The following WWP1 variants were observed in gnomAD, a reference collection of about 807,000 sequenced individuals.
WWP1 encodes WW domain containing E3 ubiquitin protein ligase 1.
A neutral mutation model predicts 130.6 loss-of-function variants in WWP1; 49 were observed. The observed-to-expected ratio is 0.38, with a 90% CI of 0.30 to 0.48. The LOEUF is 0.48. Ranked by LOEUF, WWP1 falls within the 20% of genes least tolerant of loss-of-function variation. WWP1 has a pLI of 0.99. For missense variants in WWP1, 809 were observed against 1,100.6 expected (o/e 0.74, Z 3.75); for synonymous variants, 332 against 367.8 (o/e 0.90, Z 1.11).
At chr8:86,422,668 C>A (rs572073582) in intron 9 of WWP1, among the ~76,000 whole-genome samples, 1 of 151,966 alleles carries the variant, frequency 6.6e-6, no homozygotes, top group Non-Finnish European at 1.5e-5. Context: ...CCACCACGCC[C>A]GGCCCACCAG....
intron 11 of WWP1, among the ~76,000 whole-genome samples, chr8:86,430,019 C>T (rs1809848013): frequency 6.6e-6 from 1 of 152,004 alleles, no homozygotes; most frequent in African/African-American, 2.4e-5. Flanking sequence ...AGAAACATGG[C>T]AAAACCTTGT....
chr8:86,380,988 T>TA (rs1824951293), intron 4 of WWP1, 124 bp downstream of exon 4: 1 of 1,229,012 alleles, frequency 8.1e-7, no homozygotes, highest in Non-Finnish European at 1.1e-6. Flanking sequence ...GATCGACAAT[T>TA]TAAAGTATGG....
chr8:86,351,535 C>A (rs1167465565), intron 1 of WWP1, among the ~76,000 whole-genome samples: 1 of 151,374 alleles, frequency 6.6e-6, no homozygotes, highest in Non-Finnish European at 1.5e-5. Flanking sequence ...GAGATGTTGC[C>A]CAGGCTGGTC....
intron 14 of WWP1, among the ~76,000 whole-genome samples, chr8:86,434,307 A>G (rs116211580): frequency 9.3e-4 from 142 of 152,042 alleles, no homozygotes; most frequent in African/African-American, 3.3e-3. Flanking sequence ...TATCTCTTCA[A>G]CCTCCTCTTG....
At chr8:86,466,346 A>G (rs1812131125) in intron 24 of WWP1, among the ~76,000 whole-genome samples, 1 of 152,152 alleles carries the variant, frequency 6.6e-6, no homozygotes, top group Non-Finnish European at 1.5e-5. Flanking sequence ...TCTCTACCCC[A>G]GAATGTAAAT....
At chr8:86,358,190 A>G (rs1176829213) in intron 1 of WWP1, among the ~76,000 whole-genome samples, 1 of 152,106 alleles carries the variant, frequency 6.6e-6, no homozygotes, top group African/African-American at 2.4e-5. Flanking sequence ...ACGTTTTTCT[A>G]TTGAGCATTT....
chr8:86,361,981 T>TATATATATATACATATATATACACAC (rs2130203365), intron 1 of WWP1, among the ~76,000 whole-genome samples: 1 of 141,410 alleles, frequency 7.1e-6, no homozygotes, highest in East Asian at 2.1e-4. Flanking sequence ...TGTGTATATA[T>TATATATATATACATATATATACACAC]ATATATATAT....
At chr8:86,364,226 G>A (rs748467357) in intron 1 of WWP1, among the ~76,000 whole-genome samples, 1 of 152,152 alleles carries the variant, frequency 6.6e-6, no homozygotes, top group African/African-American at 2.4e-5. Flanking sequence ...TTATGTGTTG[G>A]TTGCTTTGAG....
chr8:86,427,105 G>A (rs1809669049), intron 10 of WWP1, among the ~76,000 whole-genome samples: 1 of 151,810 alleles, frequency 6.6e-6, no homozygotes, highest in South Asian at 2.1e-4. Flanking sequence ...AGAGGTTGCA[G>A]TGAGCCAAGA....
At chr8:86,464,357 A>G (rs1811922429) in intron 24 of WWP1, among the ~76,000 whole-genome samples, 1 of 152,196 alleles carries the variant, frequency 6.6e-6, no homozygotes, top group African/African-American at 2.4e-5. Context: ...CACTCTTTCC[A>G]CTATTTTTTT....
At position 86,357,989 on chromosome 8, in the gene WWP1, TCTTGTC is replaced by T. The variant is rs557216196; in HGVS notation, c.-114-10946_-114-10941del. The stretch of plus-strand genomic sequence containing the variant: ...ATTTGTGTTGTATTCCAAGAAGCCA[TCTTGTC>T]CTTAAACTTTTGGGGTCTAATGTTT... On this transcript the variant is annotated intron_variant, in intron 1 of 24. Coordinates refer to ENST00000517970, the MANE Select transcript of WWP1 (RefSeq NM_007013.4). 9.7e-4 allele frequency among the ~76,000 whole-genome samples: 148 copies of T among 152,296 alleles called. 1 individual carries two copies. The highest frequency in any genetic ancestry group is 3.3e-3 in the African/African-American group (139 of 41,564).
chr8:86,427,024 A>G (rs768869515), intron 10 of WWP1, among the ~76,000 whole-genome samples: 7 of 152,188 alleles, frequency 4.6e-5, no homozygotes, highest in Non-Finnish European at 1.0e-4. Context: ...TTAGCTGGGC[A>G]TGGTGGTCTG....
intron 5 of WWP1, among the ~76,000 whole-genome samples, chr8:86,391,125 T>C (rs757763810): frequency 8.5e-5 from 13 of 152,172 alleles, no homozygotes; most frequent in Non-Finnish European, 1.8e-4. Context: ...ATTATTTGTA[T>C]TGTTTTCCCC....
At chr8:86,408,143 A>C (rs943764654) in intron 8 of WWP1, among the ~76,000 whole-genome samples, 53 of 152,190 alleles carry the variant, frequency 3.5e-4, no homozygotes, top group African/African-American at 1.3e-3. Flanking sequence ...GGAGTCCTAC[A>C]GTGTGGGTAG....
At position 86,430,843 on chromosome 8, in the gene WWP1, TTA is replaced by T. The variant is rs1450932808; in HGVS notation, c.1387+104_1387+105del. 163 of 384,070 alleles carry T rather than the reference TTA, an allele frequency of 4.2e-4. 1 individual carries two copies. Among genetic ancestry groups the T allele is most frequent in the East Asian group, 5.0e-4 (6 of 12,036 alleles). The allele number at this position is 384,070 out of a possible 1,614,324, so 23.8% of individuals were successfully genotyped here. A position where few individuals can be genotyped will look rare whatever the true frequency, so the allele number is the denominator to read the frequency against. On this transcript the variant is annotated intron_variant, in intron 12 of 24. Coordinates refer to ENST00000517970, the MANE Select transcript of WWP1 (RefSeq NM_007013.4). ...TATATATATATATATGTTCCTTATTTTATATATATATATCTCCCTTATATATG... is the reference window on the plus strand; with the variant it reads ...TATATATATATATATGTTCCTTATTTTATATATATATCTCCCTTATATATG...
At chr8:86,461,691 C>T in intron 23 of WWP1, 83 bp from the exon 24 acceptor site, 1 of 1,067,358 alleles carries the variant, frequency 9.4e-7, no homozygotes. Flanking sequence ...TATGACTGTG[C>T]AACATGTTCT....
chr8:86,433,321 C>T (rs899446575), intron 14 of WWP1, among the ~76,000 whole-genome samples: 1 of 146,566 alleles, frequency 6.8e-6, no homozygotes, highest in Non-Finnish European at 1.5e-5. Context: ...GCTAATGACT[C>T]ACAAATTTAG....
chr8:86,448,021 A>T (rs1810978502), intron 18 of WWP1, 127 bp from the exon 19 acceptor site: 1 of 785,456 alleles, frequency 1.3e-6, no homozygotes, highest in African/African-American at 1.8e-5. Flanking sequence ...AGTTTTCATG[A>T]TTTATGCCAT....
chr8:86,397,103 A>G (rs1369191017), intron 5 of WWP1, among the ~76,000 whole-genome samples: 1 of 152,188 alleles, frequency 6.6e-6, no homozygotes, highest in East Asian at 1.9e-4. Flanking sequence ...TAACTTGTGA[A>G]CATATTTATG....
Sources: gnomAD v4.1 joint callset for allele counts (sites outside exome capture counted in the v4.1 genomes callset) on GRCh38, gnomAD v4.1.1 for gene constraint, MANE v1.5 for transcripts, NCBI Gene and HGNC (gene_info 2026-07-23, HGNC 2026-07-21) for gene names.